The following AFDN variants were observed in gnomAD, a reference collection of about 807,000 sequenced individuals.
AFDN encodes the protein afadin.
A neutral mutation model predicts 216.6 loss-of-function variants in AFDN; 68 were observed. That is an observed-to-expected ratio of 0.31 (90% CI 0.26 to 0.38). The LOEUF (loss-of-function observed/expected upper bound fraction) is 0.38. Ranked by LOEUF, AFDN falls within the 10% of genes least tolerant of loss-of-function variation. AFDN has a pLI of 1.00. For missense variants in AFDN, 2,136 were observed against 2,342.0 expected, an observed-to-expected ratio of 0.91 and a Z score of 1.82; for synonymous variants, 868 against 853.7, an observed-to-expected ratio of 1.02 and a Z score of -0.29.
At chr6:167,860,759 C>T (rs752522783) in intron 1 of AFDN, among the ~76,000 whole-genome samples, 1 of 152,180 alleles carries the variant, frequency 6.6e-6, no homozygotes, top group African/African-American at 2.4e-5. Flanking sequence ...GTTGATTAGG[C>T]ACTGTGTGGG....
At chr6:167,892,311 G>A (rs1787712946) in intron 8 of AFDN, among the ~76,000 whole-genome samples, 1 of 152,196 alleles carries the variant, frequency 6.6e-6, no homozygotes, top group African/African-American at 2.4e-5. Flanking sequence ...ACACATCCCA[G>A]TATTGTTGTG....
chr6:167,872,947 A>G (rs1332746211), intron 4 of AFDN, among the ~76,000 whole-genome samples: 2 of 152,232 alleles, frequency 1.3e-5, no homozygotes, highest in South Asian at 2.1e-4. Context: ...CATTTTTACT[A>G]TAACAAAAAG....
rs1797409910 is a variant in AFDN at position 167,965,146 on chromosome 6, TG to T, written c.4969-610del. ...TAGATTGTTACTTTGGGAGAATGAGTGTTTTTTTTTTTTTCTTCATTTCTGG... is the reference window on the plus strand; with the variant it reads ...TAGATTGTTACTTTGGGAGAATGAGTTTTTTTTTTTTTTCTTCATTTCTGG... On this transcript the variant is annotated intron_variant, in intron 31 of 33. Transcript: ENST00000683244. 16 of 818,460 alleles carry T rather than the reference TG, an allele frequency of 2.0e-5. No homozygotes were observed. The African/African-American group carries it at 2.5e-4, about 13-fold the overall frequency. The allele number at this position is 818,460 out of a possible 1,614,324, so 50.7% of individuals were successfully genotyped here. A position where few individuals can be genotyped will look rare whatever the true frequency, so the allele number is the denominator to read the frequency against.
chr6:167,850,701 C>T (rs1477231239), intron 1 of AFDN, among the ~76,000 whole-genome samples: 1 of 152,078 alleles, frequency 6.6e-6, no homozygotes, highest in Non-Finnish European at 1.5e-5. Flanking sequence ...GATTATAAAA[C>T]ATTTTCTTGG....
chr6:167,835,485 C>CT (rs1271326346), intron 1 of AFDN, among the ~76,000 whole-genome samples: 2 of 152,156 alleles, frequency 1.3e-5, no homozygotes, highest in Non-Finnish European at 2.9e-5. Context: ...TGCAGAAGGG[C>CT]TTTATGTATG....
chr6:167,905,205 T>C (rs1789510092), intron 12 of AFDN, among the ~76,000 whole-genome samples: 1 of 152,228 alleles, frequency 6.6e-6, no homozygotes, highest in Non-Finnish European at 1.5e-5. Flanking sequence ...TATGTGGTCT[T>C]TATTACCATC....
chr6:167,865,326 A>G (rs1784055643), intron 2 of AFDN, among the ~76,000 whole-genome samples: 1 of 152,126 alleles, frequency 6.6e-6, no homozygotes, highest in South Asian at 2.1e-4. Context: ...CTAAAATTAG[A>G]CTGATTAAGA....
At chr6:167,864,885 G>A (rs759394331) in intron 2 of AFDN, 139 bp downstream of exon 2, 6 of 905,774 alleles carry the variant, frequency 6.6e-6, no homozygotes, top group South Asian at 6.5e-5. Flanking sequence ...AGAGTAGCTG[G>A]CAGGCTGAGA....
chr6:167,849,497 A>G (rs1332604543), intron 1 of AFDN, among the ~76,000 whole-genome samples: 2 of 152,142 alleles, frequency 1.3e-5, no homozygotes, highest in African/African-American at 4.8e-5. Flanking sequence ...TAAAAACCCA[A>G]TCAGTGATTT....
At chr6:167,841,069 A>AATTC (rs1781018428) in intron 1 of AFDN, among the ~76,000 whole-genome samples, 1 of 152,214 alleles carries the variant, frequency 6.6e-6, no homozygotes, top group Non-Finnish European at 1.5e-5. Context: ...AATGAAACTG[A>AATTC]AGGAGGTAAA....
chr6:167,880,232 GCA>G (rs1785942188), intron 5 of AFDN, 126 bp from the exon 6 acceptor site: 1 of 781,048 alleles, frequency 1.3e-6, no homozygotes, highest in African/African-American at 1.7e-5. Context: ...TAGTTATTAG[GCA>G]GATTGTCTTT....
At chr6:167,886,092 G>A (rs2128316917) in intron 6 of AFDN, among the ~76,000 whole-genome samples, 1 of 152,174 alleles carries the variant, frequency 6.6e-6, no homozygotes, top group Non-Finnish European at 1.5e-5. Flanking sequence ...TAATCTCACA[G>A]TAGTTTTTTT....
At chr6:167,914,823 G>A in intron 18 of AFDN, 85 bp downstream of exon 18, 1 of 936,658 alleles carries the variant, frequency 1.1e-6, no homozygotes, top group Non-Finnish European at 1.6e-6. Context: ...GTAAGTGGAG[G>A]TGTTTTTAAA....
chr6:167,921,657 T>C (rs909604110), intron 21 of AFDN, among the ~76,000 whole-genome samples: 2 of 152,156 alleles, frequency 1.3e-5, no homozygotes, highest in Non-Finnish European at 2.9e-5. Context: ...GAGCTTGTTA[T>C]GGAAATGCGG....
chr6:167,963,237 T>A (rs1473265764), intron 31 of AFDN: 1 of 1,063,354 alleles, frequency 9.4e-7, no homozygotes, highest in Admixed American at 5.3e-5. Context: ...CCCTTTGTCC[T>A]GTGTGTGTGG....
chr6:167,870,312 C>T, intron 2 of AFDN, 74 bp from the exon 3 acceptor site: 1 of 837,738 alleles, frequency 1.2e-6, no homozygotes, highest in South Asian at 1.9e-5. Context: ...AAATGTATAT[C>T]AGAATGCTTG....
At position 167,971,600 on chromosome 6, in the gene AFDN, A is replaced by C. The variant is rs1314503185; in HGVS notation, c.*1665A>C. The C allele has an allele frequency of 5.2e-6, 1 of 193,248 alleles. No individual in the cohort carries two copies. Among genetic ancestry groups the C allele is most frequent in the African/African-American group, 2.3e-5 (1 of 43,132 alleles). The allele number at this position is 193,248 out of a possible 1,614,324, so 12.0% of individuals were successfully genotyped here. On this transcript the variant is annotated 3_prime_UTR_variant, in exon 34 of 34. Coordinates refer to ENST00000683244, the MANE Select transcript of AFDN (RefSeq NM_001386888.1). ...ATATCTTGAGGACACTGGCAGCCTT[A>C]TGGTGACTAAATCCACACTTTCTTT...
intron 1 of AFDN, among the ~76,000 whole-genome samples, chr6:167,835,584 T>G (rs1780337668): frequency 6.6e-6 from 1 of 152,224 alleles, no homozygotes; most frequent in African/African-American, 2.4e-5. Context: ...AAAGACATTC[T>G]TAAGTGAAAC....
intron 1 of AFDN, chr6:167,827,888 C>T (rs1010908563): frequency 6.6e-6 from 1 of 152,236 alleles, no homozygotes; most frequent in Non-Finnish European, 1.5e-5. Flanking sequence ...CGGCCCCAGG[C>T]TGGCTCCCTG....
Sources: gnomAD v4.1 joint callset for allele counts (sites outside exome capture counted in the v4.1 genomes callset) on GRCh38, gnomAD v4.1.1 for gene constraint, MANE v1.5 for transcripts, NCBI Gene and HGNC (gene_info 2026-07-23, HGNC 2026-07-21) for gene names.